The following PXDNL variants were observed in gnomAD, a reference collection of about 807,000 sequenced individuals.
PXDNL encodes the protein peroxidasin like.
Under a neutral mutation model 150.8 loss-of-function variants are expected in PXDNL, and 145 were observed. That is an observed-to-expected ratio of 0.96 (90% CI 0.84 to 1.10). PXDNL has a LOEUF of 1.10. Among genes scored for constraint, PXDNL ranks in the 50% least tolerant of loss-of-function variants. The pLI is 0.00. For missense variants in PXDNL, 2,087 were observed against 1,873.9 expected (o/e 1.11, Z -2.10); for synonymous variants, 757 against 725.7 (o/e 1.04, Z -0.69).
intron 3 of PXDNL, among the ~76,000 whole-genome samples, chr8:51,590,746 T>C (rs1813427549): frequency 1.3e-5 from 2 of 152,074 alleles, no homozygotes; most frequent in Admixed American, 1.3e-4. Context: ...TTTCACAAGC[T>C]TACAGCTGGA....
At chr8:51,563,284 C>G (rs1812753882) in intron 3 of PXDNL, among the ~76,000 whole-genome samples, 4 of 151,980 alleles carry the variant, frequency 2.6e-5, no homozygotes, top group Admixed American at 2.6e-4. Flanking sequence ...TGTTTGGTTT[C>G]TGAAGTCTCT....
chr8:51,604,553 G>A (rs981350987), intron 2 of PXDNL, among the ~76,000 whole-genome samples: 2 of 152,140 alleles, frequency 1.3e-5, no homozygotes, highest in African/African-American at 4.8e-5. Context: ...AATGCTAAAT[G>A]ACGAGTTAAT....
chr8:51,469,223 C>T (rs1810270148), intron 8 of PXDNL, among the ~76,000 whole-genome samples: 1 of 151,966 alleles, frequency 6.6e-6, no homozygotes, highest in Non-Finnish European at 1.5e-5. Context: ...AACTGCTGTA[C>T]ATTTGAAGGT....
intron 1 of PXDNL, among the ~76,000 whole-genome samples, chr8:51,764,379 G>GT (rs56742838): frequency 0.075 from 9,641 of 129,054 alleles, 365 homozygotes; most frequent in East Asian, 0.16. Flanking sequence ...TCTTTTTCTA[G>GT]TTTTTTTTTT....
intron 17 of PXDNL, among the ~76,000 whole-genome samples, chr8:51,383,723 G>A (rs1341440220): frequency 4.6e-5 from 7 of 152,038 alleles, no homozygotes; most frequent in Admixed American, 6.5e-5. Context: ...TGCTTTTGTC[G>A]GTATTTTGAT....
At chr8:51,716,919 TTTG>T (rs1326406558) in intron 1 of PXDNL, among the ~76,000 whole-genome samples, 1 of 152,212 alleles carries the variant, frequency 6.6e-6, no homozygotes, top group African/African-American at 2.4e-5. Context: ...GAACTCTTTT[TTTG>T]TTGTTGTTTT....
At chr8:51,420,075 G>T (rs150367185) in intron 14 of PXDNL, among the ~76,000 whole-genome samples, 1 of 152,142 alleles carries the variant, frequency 6.6e-6, no homozygotes, top group African/African-American at 2.4e-5. Context: ...TATATAATGC[G>T]TAGATGGTTG....
At position 51,435,985 on chromosome 8, in the gene PXDNL, T is replaced by A. The variant is rs77240811; in HGVS notation, c.1526-9227A>T. Reference sequence around the variant, plus strand: ...GAAGCTAAGAAAAAAACAGGATCTCTTTATGTAGCTTTCAAATTCACCTCA... The same window carrying A: ...GAAGCTAAGAAAAAAACAGGATCTCATTATGTAGCTTTCAAATTCACCTCA... On this transcript the variant is annotated intron_variant, in intron 12 of 22. Transcript: ENST00000356297. The A allele has an allele frequency of 3.6e-5, 19 of 523,996 alleles. 1 individual carries two copies. Among genetic ancestry groups the A allele is most frequent in the South Asian group, 2.6e-4 (18 of 70,246 alleles). 32.5% of individuals were successfully genotyped at this position (523,996 alleles called of 1,614,324 possible).
intron 1 of PXDNL, among the ~76,000 whole-genome samples, chr8:51,774,044 AGT>A (rs1226560886): frequency 6.6e-6 from 1 of 152,256 alleles, no homozygotes; most frequent in Admixed American, 6.5e-5. Flanking sequence ...ACTAATTGTA[AGT>A]GTAATTTCAG....
At chr8:51,765,472 A>T (rs1351198712) in intron 1 of PXDNL, among the ~76,000 whole-genome samples, 1 of 152,174 alleles carries the variant, frequency 6.6e-6, no homozygotes, top group Non-Finnish European at 1.5e-5. Context: ...TATCAGCAGC[A>T]TGAAAACTGA....
intron 2 of PXDNL, among the ~76,000 whole-genome samples, chr8:51,641,646 C>G (rs71513540): frequency 0.38 from 56,388 of 148,164 alleles, 13,011 homozygotes; most frequent in African/African-American, 0.68. Context: ...CAAATCAAAA[C>G]CACAATGAGA....
chr8:51,577,459 T>G (rs1377460416), intron 3 of PXDNL, among the ~76,000 whole-genome samples: 1 of 150,336 alleles, frequency 6.7e-6, no homozygotes, highest in Non-Finnish European at 1.5e-5. Flanking sequence ...TTTATTACTT[T>G]GAAAAGATCA....
chr8:51,558,181 T>C (rs144527863), intron 3 of PXDNL, among the ~76,000 whole-genome samples: 214 of 152,190 alleles, frequency 1.4e-3, no homozygotes, highest in African/African-American at 4.9e-3. Context: ...GTCAGTAGTA[T>C]TTGTAAGGCC....
chr8:51,714,290 T>G (rs931943443), intron 1 of PXDNL, among the ~76,000 whole-genome samples: 2 of 152,248 alleles, frequency 1.3e-5, no homozygotes, highest in African/African-American at 2.4e-5. Context: ...AGATTGCACT[T>G]TAATGAATTC....
chr8:51,661,187 G>C (rs1815263518), intron 1 of PXDNL, among the ~76,000 whole-genome samples: 1 of 152,152 alleles, frequency 6.6e-6, no homozygotes, highest in Non-Finnish European at 1.5e-5. Flanking sequence ...CCGATTCCCA[G>C]TCATGTTCCC....
At chr8:51,753,985 T>C (rs956273685) in intron 1 of PXDNL, among the ~76,000 whole-genome samples, 5 of 152,222 alleles carry the variant, frequency 3.3e-5, no homozygotes, top group African/African-American at 1.2e-4. Flanking sequence ...ATCAAGCCAC[T>C]GGAGACCTGA....
intron 11 of PXDNL, 98 bp from the exon 12 acceptor site, chr8:51,447,260 G>T: frequency 7.8e-7 from 1 of 1,279,970 alleles, no homozygotes; most frequent in Non-Finnish European, 1.1e-6. Context: ...TGTCTTTCAG[G>T]AAATTCTCGG....
chr8:51,422,844 C>T (rs1051914559), intron 14 of PXDNL, among the ~76,000 whole-genome samples: 8 of 152,172 alleles, frequency 5.3e-5, no homozygotes, highest in Non-Finnish European at 1.2e-4. Context: ...AGAGAACACA[C>T]CAGGCAATCT....
intron 7 of PXDNL, among the ~76,000 whole-genome samples, chr8:51,474,196 A>G (rs1810420631): frequency 2.0e-5 from 3 of 152,204 alleles, no homozygotes; most frequent in South Asian, 2.1e-4. Context: ...CTGTAATTAC[A>G]GCAGTCATGT....
Sources: gnomAD v4.1 joint callset for allele counts (sites outside exome capture counted in the v4.1 genomes callset) on GRCh38, gnomAD v4.1.1 for gene constraint, MANE v1.5 for transcripts, NCBI Gene and HGNC (gene_info 2026-07-23, HGNC 2026-07-21) for gene names.